The following TTC39B variants were observed in gnomAD, a reference collection of about 807,000 sequenced individuals.
The protein encoded by TTC39B is tetratricopeptide repeat protein 39B.
Under a neutral mutation model 96.6 loss-of-function variants are expected in TTC39B, and 92 were observed. The observed-to-expected ratio is 0.95, with a 90% CI of 0.80 to 1.13. The LOEUF (loss-of-function observed/expected upper bound fraction) is 1.13. Ranked by LOEUF, TTC39B falls within the 50% of genes most tolerant of loss-of-function variation. The pLI, the probability that TTC39B is intolerant of heterozygous loss-of-function variation, is 0.00. For missense variants in TTC39B, 955 were observed against 809.3 expected (o/e 1.18, Z -2.18); for synonymous variants, 367 against 299.4 (o/e 1.23, Z -2.33).
At chr9:15,249,970 A>G (rs977640588) in intron 2 of TTC39B, 1 of 1,288,146 alleles carries the variant, frequency 7.8e-7, no homozygotes, top group Non-Finnish European at 1.0e-6. Flanking sequence ...CACTATGAAG[A>G]TGTCTTTCCC....
At chr9:15,270,170 A>C (rs949582993) in intron 1 of TTC39B, among the ~76,000 whole-genome samples, 1 of 150,706 alleles carries the variant, frequency 6.6e-6, no homozygotes, top group African/African-American at 2.5e-5. Flanking sequence ...ACTCCATCTC[A>C]AGGAAAAAAA....
exon 16 of TTC39B, chr9:15,185,376 G>T (rs758339076): frequency 2.4e-5 from 39 of 1,613,668 alleles, no homozygotes. Flanking sequence ...TAGATTTCCC[G>T]GCAATTCTCT....
chr9:15,195,907 C>A (rs907403853), intron 8 of TTC39B, among the ~76,000 whole-genome samples: 5 of 152,150 alleles, frequency 3.3e-5, no homozygotes, highest in Admixed American at 1.3e-4. Context: ...CAGGCTGACT[C>A]TTGTTAGGGA....
intron 18 of TTC39B, among the ~76,000 whole-genome samples, chr9:15,175,700 T>G (rs1817899151): frequency 1.3e-5 from 2 of 152,160 alleles, no homozygotes; most frequent in South Asian, 2.1e-4. Context: ...AACCCTCAAG[T>G]GCCAAAAACA....
rs546400768 is a variant in TTC39B at position 15,232,938 on chromosome 9, C to T, written c.276-6926G>A. On this transcript the variant is annotated intron_variant, in intron 2 of 19. Coordinates refer to ENST00000512701, the Ensembl canonical transcript of TTC39B. ...CGACGGCGGCCGCTCAGGCACGGTT[C>T]GAACACTCTGGGGACTCTTTCCCTG... 2.6e-5 allele frequency among the ~76,000 whole-genome samples: 4 copies of T among 152,164 alleles called. No individual in the cohort carries two copies. The East Asian group carries it at 7.7e-4, about 29-fold the overall frequency.
At chr9:15,181,371 C>A (rs116211917) in intron 17 of TTC39B, among the ~76,000 whole-genome samples, 1,703 of 152,240 alleles carry the variant, frequency 0.011, 34 homozygotes, top group African/African-American at 0.039. Flanking sequence ...AGAAATACAA[C>A]AAAGGCTATC....
At chr9:15,295,836 C>G (rs987450550) in intron 1 of TTC39B, among the ~76,000 whole-genome samples, 2 of 152,172 alleles carry the variant, frequency 1.3e-5, no homozygotes, top group South Asian at 4.1e-4. Context: ...CTGCTCTGCA[C>G]ATGGAGGACC....
At chr9:15,243,446 A>C (rs1372269974) in intron 2 of TTC39B, among the ~76,000 whole-genome samples, 2 of 152,222 alleles carry the variant, frequency 1.3e-5, no homozygotes, top group Admixed American at 6.5e-5. Flanking sequence ...CTACTCATTA[A>C]GGGGCAGAGC....
chr9:15,171,828 T>C (rs910780651), exon 20 of TTC39B: 1 of 385,656 alleles, frequency 2.6e-6, no homozygotes, highest in Non-Finnish European at 4.6e-6. Context: ...CTAGATAATA[T>C]AGAATGCCAT....
chr9:15,176,848 T>G (rs911597188), intron 18 of TTC39B, among the ~76,000 whole-genome samples: 1 of 152,192 alleles, frequency 6.6e-6, no homozygotes, highest in Non-Finnish European at 1.5e-5. Flanking sequence ...CTGTAAATAC[T>G]GCATTTGTGA....
At position 15,254,746 on chromosome 9, in the gene TTC39B, T is replaced by C. The variant is rs143965907; in HGVS notation, c.275+13168A>G. On this transcript the variant is annotated intron_variant, in intron 2 of 19. Transcript: ENST00000512701. ...CAAAGCAAACTACACATTATGGGTATAACTTCTTTCAAATTAAGCTGAAAT... is the reference window on the plus strand; with the variant it reads ...CAAAGCAAACTACACATTATGGGTACAACTTCTTTCAAATTAAGCTGAAAT... 5.5e-3 allele frequency among the ~76,000 whole-genome samples: 843 copies of C among 152,150 alleles called. 4 individuals carry two copies. The highest frequency in any genetic ancestry group is 0.019 in the African/African-American group (799 of 41,526).
At chr9:15,205,196 T>C (rs188174935) in intron 6 of TTC39B, among the ~76,000 whole-genome samples, 12 of 152,326 alleles carry the variant, frequency 7.9e-5, no homozygotes, top group Admixed American at 7.8e-4. Flanking sequence ...GAGTAAGCAC[T>C]GGATCAGTGC....
At chr9:15,246,240 T>G (rs984782351) in intron 2 of TTC39B, among the ~76,000 whole-genome samples, 2 of 151,854 alleles carry the variant, frequency 1.3e-5, no homozygotes, top group Admixed American at 1.3e-4. Flanking sequence ...GCAACCAGAG[T>G]GACAGGAAAC....
At chr9:15,175,233 G>A (rs1312267638) in intron 18 of TTC39B, 98 bp from the exon 19 acceptor site, 14 of 812,692 alleles carry the variant, frequency 1.7e-5, no homozygotes, top group Non-Finnish European at 2.8e-5. Flanking sequence ...AACATGTGCA[G>A]CACTAAGTCT....
intron 1 of TTC39B, among the ~76,000 whole-genome samples, chr9:15,282,674 A>G (rs904569182): frequency 6.6e-6 from 1 of 152,212 alleles, no homozygotes; most frequent in Non-Finnish European, 1.5e-5. Flanking sequence ...ACTTTTACAT[A>G]TAACAACTGA....
intron 2 of TTC39B, among the ~76,000 whole-genome samples, chr9:15,255,661 A>C (rs1330278509): frequency 6.6e-6 from 1 of 152,344 alleles, no homozygotes; most frequent in Admixed American, 6.5e-5. Context: ...GTATCCTTTA[A>C]GATTCTGACA....
At chr9:15,251,335 G>A (rs1443480092) in intron 2 of TTC39B, among the ~76,000 whole-genome samples, 2 of 152,068 alleles carry the variant, frequency 1.3e-5, no homozygotes, top group African/African-American at 4.8e-5. Context: ...GGCCAAGGTG[G>A]GTGGATCACC....
intron 2 of TTC39B, among the ~76,000 whole-genome samples, chr9:15,243,511 T>C (rs1822138338): frequency 6.6e-6 from 1 of 152,112 alleles, no homozygotes; most frequent in Non-Finnish European, 1.5e-5. Flanking sequence ...GAAACCAATT[T>C]AACAACTGTC....
intron 2 of TTC39B, among the ~76,000 whole-genome samples, chr9:15,234,648 A>G (rs913764652): frequency 3.3e-5 from 5 of 152,076 alleles, no homozygotes; most frequent in East Asian, 1.9e-4. Flanking sequence ...TGTAGGGAGA[A>G]GTAGACATGG....
Sources: allele counts gnomAD v4.1 joint callset (sites outside exome capture counted in the v4.1 genomes callset), GRCh38; gene constraint gnomAD v4.1.1; transcripts MANE v1.5; gene names NCBI Gene and HGNC (gene_info 2026-07-23, HGNC 2026-07-21).